The following FSHR variants were observed in gnomAD, a reference collection of about 807,000 sequenced individuals.
The protein encoded by FSHR is follicle stimulating hormone receptor.
FSHR carries 46 observed loss-of-function variants against 52.1 expected under a neutral mutation model. The observed-to-expected ratio is 0.88, with a 90% confidence interval of 0.70 to 1.13. The LOEUF is 1.13. Among genes scored for constraint, FSHR ranks in the 50% most tolerant of loss-of-function variants. The probability of loss-of-function intolerance (pLI) is 0.00; values close to 1 mark genes in which losing one functional copy is unlikely to be tolerated. For missense variants in FSHR, 964 were observed against 834.6 expected, an observed-to-expected ratio of 1.16 and a Z score of -1.91; for synonymous variants, 399 against 309.6, an observed-to-expected ratio of 1.29 and a Z score of -3.03.
chr2:49,075,607 A>G (rs1347344559), intron 1 of FSHR, among the ~76,000 whole-genome samples: 13 of 152,164 alleles, frequency 8.5e-5, no homozygotes. Flanking sequence ...TTTAAATTAG[A>G]GAACTCTACA....
chr2:49,024,601 A>G (rs1422824101), intron 2 of FSHR, among the ~76,000 whole-genome samples: 2 of 152,150 alleles, frequency 1.3e-5, no homozygotes, highest in Non-Finnish European at 2.9e-5. Flanking sequence ...AAATAAAAGA[A>G]TAAGAAATCA....
At chr2:48,968,643 G>A (rs2104007721) in intron 9 of FSHR, 55 bp downstream of exon 9, 3 of 1,576,412 alleles carry the variant, frequency 1.9e-6, no homozygotes, top group Non-Finnish European at 2.6e-6. Context: ...TAGAAATTGT[G>A]GACAAAGTTC....
intron 4 of FSHR, among the ~76,000 whole-genome samples, chr2:48,995,615 A>C (rs1163958259): frequency 1.3e-5 from 2 of 152,124 alleles, no homozygotes; most frequent in Non-Finnish European, 2.9e-5. Flanking sequence ...CAAGCATTAG[A>C]AGCCACTTTA....
At chr2:49,088,724 C>T (rs1191960118) in intron 1 of FSHR, among the ~76,000 whole-genome samples, 1 of 152,136 alleles carries the variant, frequency 6.6e-6, no homozygotes, top group East Asian at 1.9e-4. Flanking sequence ...GGGGCTACTT[C>T]TGCTTAGATA....
chr2:49,102,346 A>G (rs190435360), intron 1 of FSHR, among the ~76,000 whole-genome samples: 14 of 152,176 alleles, frequency 9.2e-5, no homozygotes, highest in African/African-American at 3.1e-4. Flanking sequence ...TGATGAGACA[A>G]TAAAGCAGAA....
chr2:49,062,544 A>C (rs185811464), intron 2 of FSHR, among the ~76,000 whole-genome samples: 21 of 152,092 alleles, frequency 1.4e-4, no homozygotes, highest in African/African-American at 4.6e-4. Context: ...AGCACAGGAA[A>C]TAAAAGGAAA....
chr2:48,970,953 T>C (rs1674715113), intron 8 of FSHR, among the ~76,000 whole-genome samples: 1 of 152,190 alleles, frequency 6.6e-6, no homozygotes, highest in Admixed American at 6.5e-5. Context: ...GTGACTTTGG[T>C]CTAAGTCACC....
intron 8 of FSHR, among the ~76,000 whole-genome samples, chr2:48,969,618 T>C (rs1674642827): frequency 1.3e-5 from 2 of 152,198 alleles, no homozygotes; most frequent in Non-Finnish European, 2.9e-5. Flanking sequence ...ATAAAGAACT[T>C]CCTGACCAAC....
chr2:49,132,363 A>T (rs1457237641), intron 1 of FSHR, among the ~76,000 whole-genome samples: 1 of 152,208 alleles, frequency 6.6e-6, no homozygotes, highest in Non-Finnish European at 1.5e-5. Context: ...CTCAGAAGAA[A>T]ATAAATCTCT....
intron 4 of FSHR, among the ~76,000 whole-genome samples, chr2:48,999,026 G>A (rs1251775183): frequency 6.6e-6 from 1 of 151,982 alleles, no homozygotes; most frequent in Non-Finnish European, 1.5e-5. Context: ...GTTTGTTTGT[G>A]TGTTTGTTCG....
chr2:48,962,975 G>A lies in FSHR; in HGVS notation c.1846C>T (p.Pro616Ser). The change falls in exon 10 of 10, where the codon CCC (proline) becomes TCC (serine). Residue 616 changes from proline to serine, a missense_variant. By Grantham distance (74) the Pro-to-Ser change is moderately conservative. Transcript: ENST00000406846. ...KAKILLVLFHPINSCANPFLY... is the reference protein window; with the variant it reads ...KAKILLVLFHSINSCANPFLY... ...AAGGGGTTGGCACAGGAGTTGATGG[G>A]GTGAAACAGAACCAGCAGAATCTTT... The A allele has an allele frequency of 2.5e-6, 4 of 1,614,146 alleles. No individual in the cohort carries two copies. Among genetic ancestry groups the A allele is most frequent in the Non-Finnish European group, 3.4e-6 (4 of 1,180,012 alleles).
intron 8 of FSHR, among the ~76,000 whole-genome samples, chr2:48,969,683 G>C (rs2104011647): frequency 6.6e-6 from 1 of 152,334 alleles, no homozygotes. Context: ...CTGAGTGTGA[G>C]AGAGAGAAAG....
intron 1 of FSHR, among the ~76,000 whole-genome samples, chr2:49,137,892 G>C (rs746624380): frequency 1.3e-5 from 2 of 151,984 alleles, no homozygotes; most frequent in Non-Finnish European, 2.9e-5. Context: ...CTTGGATTTG[G>C]CAAAGGATTA....
intron 1 of FSHR, among the ~76,000 whole-genome samples, chr2:49,087,076 T>TTTTTTTTTG (rs1670426345): frequency 1.4e-5 from 2 of 142,598 alleles, no homozygotes; most frequent in African/African-American, 5.3e-5. Context: ...CAGGGTTTTT[T>TTTTTTTTTG]TTTTTTTTTT....
rs531968409 is a variant in FSHR at position 49,020,802 on chromosome 2, A to G, written c.225-642T>C. ...CAATCCAGTCTCTTTTAAAATACAC[A>G]TATGTTTGTTGGCCCCATTAATGTC... On this transcript the variant is annotated intron_variant, in intron 2 of 9. Coordinates refer to ENST00000406846, the MANE Select transcript of FSHR (RefSeq NM_000145.4). Among the ~76,000 whole-genome samples the G allele has an allele frequency of 3.3e-5, 5 of 152,296 alleles. No individual in the cohort carries two copies. The East Asian group carries it at 9.7e-4, about 30-fold the overall frequency.
chr2:49,079,616 A>C (rs1320425818), intron 1 of FSHR, among the ~76,000 whole-genome samples: 1 of 152,192 alleles, frequency 6.6e-6, no homozygotes, highest in African/African-American at 2.4e-5. Context: ...GATAAATGAC[A>C]GTGTATCATC....
intron 1 of FSHR, among the ~76,000 whole-genome samples, chr2:49,086,529 C>A (rs1670398010): frequency 6.6e-6 from 1 of 152,220 alleles, no homozygotes; most frequent in Admixed American, 6.5e-5. Context: ...CAGTGATTCT[C>A]ACATCTGGCT....
At chr2:49,037,534 C>T (rs932316562) in intron 2 of FSHR, among the ~76,000 whole-genome samples, 2 of 151,816 alleles carry the variant, frequency 1.3e-5, no homozygotes, top group African/African-American at 2.4e-5. Flanking sequence ...ACTTTAATTG[C>T]TCAAAGAGAT....
intron 1 of FSHR, among the ~76,000 whole-genome samples, chr2:49,095,682 A>C (rs949169935): frequency 6.6e-6 from 1 of 152,204 alleles, no homozygotes; most frequent in Non-Finnish European, 1.5e-5. Flanking sequence ...GAAAGCAAAA[A>C]GACAACCCAC....
Sources: allele counts gnomAD v4.1 joint callset (sites outside exome capture counted in the v4.1 genomes callset), GRCh38; gene constraint gnomAD v4.1.1; transcripts MANE v1.5; gene names NCBI Gene and HGNC (gene_info 2026-07-23, HGNC 2026-07-21).